The following PCLO variants were observed in gnomAD, a reference collection of about 807,000 sequenced individuals.
PCLO encodes the protein piccolo presynaptic cytomatrix protein.
Under a neutral mutation model 427.5 loss-of-function variants are expected in PCLO, and 82 were observed. That is an observed-to-expected ratio of 0.19 (90% CI 0.16 to 0.23). PCLO has a LOEUF of 0.23. Ranked by LOEUF, PCLO falls within the 10% of genes least tolerant of loss-of-function variation. The pLI is 1.00. For missense variants in PCLO, 6,239 were observed against 6,115.9 expected (o/e 1.02, Z -0.67); for synonymous variants, 2,357 against 2,155.4 (o/e 1.09, Z -2.59).
At chr7:82,797,754 C>T (rs1791257401) in intron 22 of PCLO, among the ~76,000 whole-genome samples, 2 of 152,096 alleles carry the variant, frequency 1.3e-5, no homozygotes, top group East Asian at 1.9e-4. Flanking sequence ...TTTTATACTA[C>T]AACTTAGGTT....
chr7:82,911,285 A>T (rs1192279028), intron 7 of PCLO, among the ~76,000 whole-genome samples: 2 of 152,108 alleles, frequency 1.3e-5, no homozygotes, highest in Non-Finnish European at 1.5e-5. Context: ...CTGCTTTTGT[A>T]TTGAATTTTG....
chr7:82,754,129 A>C lies in PCLO; in HGVS notation c.*4446T>G, dbSNP rs1323400511. 2 of 152,170 alleles carry C rather than the reference A, an allele frequency of 1.3e-5. No homozygotes were observed. Among genetic ancestry groups the C allele is most frequent in the African/African-American group, 2.4e-5 (1 of 41,448 alleles). The allele number at this position is 152,170 out of a possible 1,614,324, so 9.4% of individuals were successfully genotyped here. A position where few individuals can be genotyped will look rare whatever the true frequency, so the allele number is the denominator to read the frequency against. ...ACAAAACCAAGACATATTTTTACAT[A>C]GAGTAAAACTCAAGACGGATTTACA... On this transcript the variant is annotated 3_prime_UTR_variant, in exon 25 of 25. Coordinates refer to ENST00000333891, the MANE Select transcript of PCLO (RefSeq NM_033026.6).
intron 3 of PCLO, among the ~76,000 whole-genome samples, chr7:83,003,271 A>G (rs1787868528): frequency 6.6e-6 from 1 of 151,662 alleles, no homozygotes; most frequent in South Asian, 2.1e-4. Flanking sequence ...TAATATTTTA[A>G]CAAATAAAGT....
chr7:82,828,481 T>C (rs1228773626), intron 16 of PCLO, among the ~76,000 whole-genome samples: 1 of 152,192 alleles, frequency 6.6e-6, no homozygotes, highest in Non-Finnish European at 1.5e-5. Context: ...TGGTAAAGTA[T>C]ATTTAATGCA....
At chr7:83,095,221 A>G (rs1456250910) in intron 3 of PCLO, among the ~76,000 whole-genome samples, 1 of 151,724 alleles carries the variant, frequency 6.6e-6, no homozygotes, top group East Asian at 1.9e-4. Flanking sequence ...GTTTTTTTCT[A>G]CTTTGCCGAA....
chr7:82,759,512 C>T (rs753319156), intron 24 of PCLO, among the ~76,000 whole-genome samples: 12 of 151,836 alleles, frequency 7.9e-5, no homozygotes, highest in Non-Finnish European at 1.2e-4. Flanking sequence ...AAATTCATTT[C>T]GGACAAACTA....
At chr7:82,874,261 A>C (rs895195167) in intron 10 of PCLO, among the ~76,000 whole-genome samples, 3 of 151,996 alleles carry the variant, frequency 2.0e-5, no homozygotes, top group African/African-American at 7.3e-5. Flanking sequence ...AGGAAAAAAA[A>C]CTGACAAGGT....
chr7:83,152,206 T>C lies in PCLO; in HGVS notation c.1893+2542A>G, dbSNP rs182489328. On this transcript the variant is annotated intron_variant, in intron 2 of 24. Coordinates refer to ENST00000333891, the MANE Select transcript of PCLO (RefSeq NM_033026.6). ...GTCTCAATCTCCTGACCTCGTGATC[T>C]GCCCGCCTCGGCCTCCCAAAGTGCT... Among the ~76,000 whole-genome samples, 1,416 of 151,890 alleles carry C rather than the reference T, an allele frequency of 9.3e-3. 47 individuals carry two copies. The East Asian group carries it at 0.11, about 12-fold the overall frequency.
At chr7:82,898,510 A>G (rs1448938185) in intron 9 of PCLO, among the ~76,000 whole-genome samples, 2 of 151,352 alleles carry the variant, frequency 1.3e-5, no homozygotes, top group African/African-American at 2.4e-5. Context: ...AAATATTATA[A>G]AAGATTCATA....
At chr7:83,023,484 ATT>A (rs1347528581) in intron 3 of PCLO, among the ~76,000 whole-genome samples, 5 of 151,988 alleles carry the variant, frequency 3.3e-5, no homozygotes, top group African/African-American at 9.7e-5. Flanking sequence ...AGTATATGAC[ATT>A]TTGATTGGGA....
chr7:82,883,050 T>C (rs1314405163), intron 9 of PCLO, among the ~76,000 whole-genome samples: 1 of 152,108 alleles, frequency 6.6e-6, no homozygotes, highest in Admixed American at 6.6e-5. Flanking sequence ...ATATCCTGTA[T>C]CTAAGCATCA....
At chr7:82,761,854 G>C (rs1790438883) in intron 22 of PCLO, among the ~76,000 whole-genome samples, 1 of 152,028 alleles carries the variant, frequency 6.6e-6, no homozygotes. Context: ...TTAGCAACAA[G>C]GGAGGTATGA....
chr7:83,054,619 C>T (rs927444346), intron 3 of PCLO, among the ~76,000 whole-genome samples: 1 of 151,946 alleles, frequency 6.6e-6, no homozygotes, highest in African/African-American at 2.4e-5. Context: ...CATTGAGTGG[C>T]TGAACAACAA....
Position 83,089,156 on chromosome 7 carries a change from CAT to C in PCLO, c.3300+45092_3300+45093del, listed in dbSNP as rs1790314654. On this transcript the variant is annotated intron_variant, in intron 3 of 24. Transcript: ENST00000333891. ...GTATGTTTACATACATACATACATACATACACACATATATGTTTTAAATATTT... is the reference window on the plus strand; with the variant it reads ...GTATGTTTACATACATACATACATACACACACATATATGTTTTAAATATTT... Among the ~76,000 whole-genome samples the C allele has an allele frequency of 3.3e-5, 5 of 152,148 alleles. No homozygotes were observed. The South Asian group carries it at 8.3e-4, about 25-fold the overall frequency.
chr7:82,867,275 G>A (rs954749093), intron 10 of PCLO, among the ~76,000 whole-genome samples: 1 of 152,032 alleles, frequency 6.6e-6, no homozygotes, highest in African/African-American at 2.4e-5. Flanking sequence ...GGTAGTGCAT[G>A]CCTTTTTACT....
intron 20 of PCLO, among the ~76,000 whole-genome samples, chr7:82,814,331 GA>G (rs1444978838): frequency 6.6e-6 from 1 of 151,598 alleles, no homozygotes; most frequent in East Asian, 1.9e-4. Context: ...ATAAGATACA[GA>G]AAATTTGGAG....
At position 82,916,060 on chromosome 7, in the gene PCLO, A is replaced by G. The variant is rs796216703; in HGVS notation, c.11926T>C (p.Ser3976Pro). ...TTLYLEPKITSNYEVIRNQPL... is the reference protein window; with the variant it reads ...TTLYLEPKITPNYEVIRNQPL... ...TGGTTGCGAATCACTTCATAGTTTG[A>G]GGTTATCTTGGGCTCCAAATATAAT... is the stretch of plus-strand genomic sequence containing the variant. The change falls in exon 7 of 25, where the codon TCA (serine) becomes CCA (proline). Residue 3976 changes from serine to proline, a missense_variant. By Grantham distance (74) the Ser-to-Pro change is moderately conservative. Coordinates refer to ENST00000333891, the MANE Select transcript of PCLO (RefSeq NM_033026.6). The G allele has an allele frequency of 6.2e-7, 1 of 1,613,258 alleles. No individual in the cohort carries two copies. The highest frequency in any genetic ancestry group is 8.5e-7 in the Non-Finnish European group (1 of 1,179,740).
chr7:82,760,801 A>T lies in PCLO; in HGVS notation c.15143-17T>A. ...CATATAAATCTGAAAATAAGAATTC[A>T]GCCCATTAAATTCCATCAATCATAT... is the stretch of plus-strand genomic sequence containing the variant. On this transcript the variant is annotated splice_polypyrimidine_tract_variant and intron_variant, in intron 23 of 24. Transcript: ENST00000333891. 1 of 1,305,538 alleles carries T rather than the reference A, an allele frequency of 7.7e-7. No homozygotes were observed. Among genetic ancestry groups the T allele is most frequent in the Non-Finnish European group, 1.1e-6 (1 of 940,210 alleles). The allele number at this position is 1,305,538 out of a possible 1,614,324, so 80.9% of individuals were successfully genotyped here.
chr7:82,839,382 T>C (rs2115767103), intron 14 of PCLO, among the ~76,000 whole-genome samples: 1 of 152,166 alleles, frequency 6.6e-6, no homozygotes, highest in African/African-American at 2.4e-5. Context: ...AAAATACATA[T>C]TCAATTGCTT....
Sources: gnomAD v4.1 joint callset for allele counts (sites outside exome capture counted in the v4.1 genomes callset) on GRCh38, gnomAD v4.1.1 for gene constraint, MANE v1.5 for transcripts, NCBI Gene and HGNC (gene_info 2026-07-23, HGNC 2026-07-21) for gene names.